NHSL1: variants seen among roughly 807,000 people sequenced by gnomAD.
NHSL1 encodes the protein NHS-like protein 1.
A neutral mutation model predicts 95.0 loss-of-function variants in NHSL1; 48 were observed. That is an observed-to-expected ratio of 0.51 (90% CI 0.40 to 0.64). The LOEUF is 0.64. Ranked by LOEUF, NHSL1 falls within the 30% of genes least tolerant of loss-of-function variation. The pLI, the probability that NHSL1 is intolerant of heterozygous loss-of-function variation, is 0.00. For missense variants in NHSL1, 1,971 were observed against 2,077.7 expected (o/e 0.95, Z 1.00); for synonymous variants, 783 against 833.9 (o/e 0.94, Z 1.05).
chr6:138,689,656 G>A (rs1785634972), intron 1 of NHSL1, among the ~76,000 whole-genome samples: 1 of 152,130 alleles, frequency 6.6e-6, no homozygotes, highest in Non-Finnish European at 1.5e-5. Flanking sequence ...GTAAACTGCT[G>A]GATTCTGTTA....
chr6:138,674,289 G>A (rs77977558), intron 1 of NHSL1, among the ~76,000 whole-genome samples: 1 of 151,350 alleles, frequency 6.6e-6, no homozygotes, highest in Non-Finnish European at 1.5e-5. Context: ...TTAATTTTTT[G>A]AAGCGTGTAA....
intron 1 of NHSL1, among the ~76,000 whole-genome samples, chr6:138,523,024 C>A (rs1453557567): frequency 6.6e-6 from 1 of 151,696 alleles, no homozygotes; most frequent in Non-Finnish European, 1.5e-5. Context: ...TCTGTCCCCC[C>A]ACCCCCACCC....
At chr6:138,684,554 A>G (rs527264234) in intron 1 of NHSL1, among the ~76,000 whole-genome samples, 1 of 152,304 alleles carries the variant, frequency 6.6e-6, no homozygotes, top group South Asian at 2.1e-4. Context: ...CTGAGGCAGA[A>G]GAATCACTTG....
At chr6:138,441,030 T>C (rs1282239272) in intron 5 of NHSL1, among the ~76,000 whole-genome samples, 4 of 152,380 alleles carry the variant, frequency 2.6e-5, no homozygotes, top group East Asian at 3.9e-4. Context: ...TTTATGGTAG[T>C]ACCAGGTACT....
At chr6:138,674,221 G>C (rs998420577) in intron 1 of NHSL1, among the ~76,000 whole-genome samples, 2 of 151,728 alleles carry the variant, frequency 1.3e-5, no homozygotes, top group Non-Finnish European at 2.9e-5. Flanking sequence ...GAGTTTTTAT[G>C]AGAAAAGGAT....
intron 1 of NHSL1, among the ~76,000 whole-genome samples, chr6:138,559,190 C>T (rs1385942229): frequency 6.6e-6 from 1 of 152,312 alleles, no homozygotes; most frequent in African/African-American, 2.4e-5. Flanking sequence ...ACTAATTTTC[C>T]CCTATGGGGG....
chr6:138,500,941 C>T (rs188716878), upstream of NHSL1, among the ~76,000 whole-genome samples: 14 of 152,234 alleles, frequency 9.2e-5, no homozygotes, highest in Middle Eastern at 3.4e-3. Flanking sequence ...AAATGAGAAA[C>T]GACTGAGCCT....
At chr6:138,591,757 G>A (rs548338416) in intron 1 of NHSL1, among the ~76,000 whole-genome samples, 4 of 152,150 alleles carry the variant, frequency 2.6e-5, no homozygotes, top group African/African-American at 7.2e-5. Flanking sequence ...AATTGAGCGC[G>A]GTTCTAAGTC....
At chr6:138,465,503 G>T (rs1459807805) in intron 3 of NHSL1, among the ~76,000 whole-genome samples, 5 of 151,996 alleles carry the variant, frequency 3.3e-5, no homozygotes, top group African/African-American at 1.2e-4. Context: ...ACCCTCTCTG[G>T]ATCCCTCCCC....
At chr6:138,546,807 T>G (rs969288569), upstream of NHSL1, among the ~76,000 whole-genome samples, 4 of 152,180 alleles carry the variant, frequency 2.6e-5, no homozygotes, top group Non-Finnish European at 5.9e-5. Context: ...AAAGCTAAAT[T>G]CACTCTGGCA....
intron 2 of NHSL1, among the ~76,000 whole-genome samples, chr6:138,489,867 A>AGAGAGG (rs1405754814): frequency 1.5e-5 from 1 of 67,710 alleles, no homozygotes; most frequent in Non-Finnish European, 2.9e-5. Flanking sequence ...AGAGAGAGAG[A>AGAGAGG]GAGAGGGAGA....
At chr6:138,492,446 C>T (rs756437660) in intron 2 of NHSL1, among the ~76,000 whole-genome samples, 1 of 152,130 alleles carries the variant, frequency 6.6e-6, no homozygotes, top group Non-Finnish European at 1.5e-5. Context: ...AATTGAGGAC[C>T]CAGGAACTTT....
chr6:138,580,740 T>C (rs1784041178), intron 1 of NHSL1, among the ~76,000 whole-genome samples: 1 of 152,208 alleles, frequency 6.6e-6, no homozygotes, highest in South Asian at 2.1e-4. Flanking sequence ...GCCCCACAAT[T>C]ACCAATTCTT....
At chr6:138,575,960 CATTTATTTATTTATTTATTTATTT>C (rs10626397), upstream of NHSL1, among the ~76,000 whole-genome samples, 1 of 144,646 alleles carries the variant, frequency 6.9e-6, no homozygotes. Flanking sequence ...AAAATCCCTA[CATTTATTTATTTATTTATTTATTT>C]ATTTATTTAT....
At chr6:138,642,388 C>T (rs981724777) in intron 1 of NHSL1, among the ~76,000 whole-genome samples, 9 of 152,112 alleles carry the variant, frequency 5.9e-5, no homozygotes, top group African/African-American at 2.2e-4. Flanking sequence ...AACTTGAATA[C>T]AGCCTTATAA....
chr6:138,470,348 G>A (rs1236446080), intron 3 of NHSL1, among the ~76,000 whole-genome samples: 1 of 152,102 alleles, frequency 6.6e-6, no homozygotes, highest in Non-Finnish European at 1.5e-5. Flanking sequence ...GGAGTGCAGT[G>A]GTGCAAACAC....
At chr6:138,546,448 A>AAAAAAAAAC (rs1782802875), upstream of NHSL1, among the ~76,000 whole-genome samples, 1 of 142,012 alleles carries the variant, frequency 7.0e-6, no homozygotes, top group African/African-American at 3.0e-5. Flanking sequence ...AAAAAAAAAA[A>AAAAAAAAAC]AAAAAAAAAA....
At chr6:138,666,709 CCAGT>C (rs769411688) in intron 1 of NHSL1, among the ~76,000 whole-genome samples, 4 of 151,558 alleles carry the variant, frequency 2.6e-5, no homozygotes, top group Non-Finnish European at 5.9e-5. Context: ...TAATATGATC[CCAGT>C]CATTTTTTTT....
chr6:138,442,920 C>G (rs1776619308), intron 4 of NHSL1, among the ~76,000 whole-genome samples: 1 of 152,040 alleles, frequency 6.6e-6, no homozygotes, highest in Non-Finnish European at 1.5e-5. Flanking sequence ...ATAACAACAT[C>G]TGTTATTGAT....
Sources: gnomAD v4.1 joint callset for allele counts (sites outside exome capture counted in the v4.1 genomes callset) on GRCh38, gnomAD v4.1.1 for gene constraint, MANE v1.5 for transcripts, NCBI Gene and HGNC (gene_info 2026-07-23, HGNC 2026-07-21) for gene names.